Variants in MICAL3 observed in about 807,000 individuals in gnomAD.
MICAL3 encodes microtubule associated monooxygenase, calponin and LIM domain containing 3.
In MICAL3, 62 loss-of-function variants were observed where a neutral mutation model predicts 207.4. The observed-to-expected ratio is 0.30, with a 90% CI of 0.24 to 0.37. The LOEUF is 0.37. Among genes scored for constraint, MICAL3 ranks in the 10% least tolerant of loss-of-function variants. MICAL3 has a pLI of 1.00. For missense variants in MICAL3, 2,368 were observed against 2,635.6 expected (o/e 0.90, Z 2.22); for synonymous variants, 1,077 against 1,069.3 (o/e 1.01, Z -0.14).
At chr22:18,003,368 C>A (rs1923170483) in intron 1 of MICAL3, among the ~76,000 whole-genome samples, 1 of 152,100 alleles carries the variant, frequency 6.6e-6, no homozygotes, top group South Asian at 2.1e-4. Context: ...GCACCCCTTT[C>A]TCTTCCTTCT....
chr22:18,011,833 A>C (rs1446131598), intron 1 of MICAL3, among the ~76,000 whole-genome samples: 3 of 151,300 alleles, frequency 2.0e-5, no homozygotes. Context: ...TGGAGCTTGC[A>C]GTGAGCCGAG....
chr22:17,850,437 G>A (rs1925200140), intron 19 of MICAL3, among the ~76,000 whole-genome samples: 2 of 108,504 alleles, frequency 1.8e-5, no homozygotes, highest in Non-Finnish European at 3.6e-5. Context: ...TTGAGATGGA[G>A]TCTCACTCTG....
At chr22:17,820,882 A>AAACATAAATTTTAATAAATTTATG (rs1921524317) in intron 25 of MICAL3, among the ~76,000 whole-genome samples, 1 of 112,256 alleles carries the variant, frequency 8.9e-6, no homozygotes, top group Non-Finnish European at 2.1e-5. Context: ...ATAAATTTAT[A>AAACATAAATTTTAATAAATTTATG]TTTATAAACA....
intron 1 of MICAL3, among the ~76,000 whole-genome samples, chr22:17,948,477 C>T (rs1243514654): frequency 1.3e-5 from 2 of 152,214 alleles, no homozygotes; most frequent in Non-Finnish European, 2.9e-5. Flanking sequence ...CCAGTCCTCA[C>T]ATACCAGCTG....
intron 17 of MICAL3, among the ~76,000 whole-genome samples, chr22:17,869,901 C>T (rs931323723): frequency 2.0e-5 from 3 of 152,168 alleles, no homozygotes; most frequent in Admixed American, 6.5e-5. Context: ...CACAAGGCCT[C>T]GGTTACTTCC....
chr22:17,790,859 A>G lies in MICAL3; in HGVS notation c.5882T>C (p.Leu1961Pro). 1 of 1,613,842 alleles carries G rather than the reference A, an allele frequency of 6.2e-7. No individual in the cohort carries two copies. The highest frequency in any genetic ancestry group is 8.5e-7 in the Non-Finnish European group (1 of 1,179,898). The change falls in exon 32 of 32, where the codon CTG becomes CCG. Residue 1961 changes from leucine (L) to proline (P), a missense_variant. This residue lies in a region of MICAL3 where 1,770 missense variants were observed against 1,863.2 expected (regional missense o/e 0.95). Transcript: ENST00000441493. Reference protein sequence around the residue: ...SEEKQILNEMLEVVEQRDSLV... With the variant: ...SEEKQILNEMPEVVEQRDSLV... ...TGAGTCTCTCTGCTCCACCACCTCC[A>G]GCATCTCATTGAGAATCTGCTTCTC...
intron 1 of MICAL3, among the ~76,000 whole-genome samples, chr22:18,016,328 T>C (rs979987869): frequency 1.3e-5 from 2 of 152,248 alleles, no homozygotes; most frequent in Non-Finnish European, 2.9e-5. Context: ...TTTCTTTTTA[T>C]GAACTGTGAA....
intron 1 of MICAL3, among the ~76,000 whole-genome samples, chr22:18,008,795 T>C (rs1426606852): frequency 6.6e-6 from 1 of 151,932 alleles, no homozygotes. Flanking sequence ...AAATTAAGAT[T>C]GGGTGTGGTG....
chr22:17,963,546 G>T (rs368873350), intron 1 of MICAL3, among the ~76,000 whole-genome samples: 1 of 152,012 alleles, frequency 6.6e-6, no homozygotes, highest in Non-Finnish European at 1.5e-5. Context: ...ACGGCCAAGC[G>T]CCATCCTGCC....
rs551475832 is a variant in MICAL3 at position 17,820,583 on chromosome 22, T to C, written c.3531+844A>G. Among the ~76,000 whole-genome samples, 16 of 152,310 alleles carry C rather than the reference T, an allele frequency of 1.1e-4. No homozygotes were observed. In the East Asian group the frequency reaches 3.1e-3, roughly 29 times the overall value. ...GTTAACCAGGATGGTCTCGATCTCC[T>C]GACCTCGTGATCTGCCTGCCTTGGC... On this transcript the variant is annotated intron_variant, in intron 25 of 31. Coordinates refer to ENST00000441493, the MANE Select transcript of MICAL3 (RefSeq NM_015241.3).
intron 16 of MICAL3, chr22:17,881,322 C>A: frequency 6.3e-7 from 1 of 1,581,462 alleles, no homozygotes; most frequent in Non-Finnish European, 8.6e-7. Context: ...CCAACAGACA[C>A]AAACAGAGAG....
At chr22:17,847,544 C>T (rs536846837) in intron 19 of MICAL3, among the ~76,000 whole-genome samples, 1 of 152,242 alleles carries the variant, frequency 6.6e-6, no homozygotes, top group African/African-American at 2.4e-5. Flanking sequence ...TGGGGCAGCC[C>T]ACATTCTGAT....
chr22:17,899,005 C>T (rs943722313), intron 7 of MICAL3, among the ~76,000 whole-genome samples: 1 of 152,214 alleles, frequency 6.6e-6, no homozygotes, highest in East Asian at 1.9e-4. Context: ...GTTGCTCCCC[C>T]TCCCAAAAGA....
intron 1 of MICAL3, among the ~76,000 whole-genome samples, chr22:17,941,156 C>T (rs896779763): frequency 3.9e-5 from 6 of 152,224 alleles, no homozygotes; most frequent in Non-Finnish European, 7.3e-5. Flanking sequence ...CTGCTCTCTT[C>T]GTCTCATAAC....
intron 13 of MICAL3, 58 bp from the exon 14 acceptor site, chr22:17,887,493 G>A (rs1297656151): frequency 1.9e-5 from 21 of 1,118,236 alleles, no homozygotes; most frequent in Non-Finnish European, 2.8e-5. Flanking sequence ...GCAAAATCCT[G>A]ACCAAAACTA....
intron 16 of MICAL3, among the ~76,000 whole-genome samples, chr22:17,874,357 C>G (rs1445728531): frequency 1.3e-5 from 2 of 152,134 alleles, no homozygotes; most frequent in Non-Finnish European, 2.9e-5. Flanking sequence ...ACAGCTGACA[C>G]TGAGGGAGCA....
At chr22:17,985,465 C>T (rs571565835) in intron 1 of MICAL3, among the ~76,000 whole-genome samples, 3 of 152,114 alleles carry the variant, frequency 2.0e-5, no homozygotes, top group South Asian at 2.1e-4. Context: ...CTACAAGGTC[C>T]GGGAGGATGA....
chr22:17,856,094 G>T (rs1925855971), intron 19 of MICAL3, among the ~76,000 whole-genome samples: 1 of 152,250 alleles, frequency 6.6e-6, no homozygotes, highest in Admixed American at 6.5e-5. Context: ...CAGGGCCTGT[G>T]CACAGTGCGT....
At chr22:17,852,113 CG>C (rs758844868) in intron 19 of MICAL3, among the ~76,000 whole-genome samples, 1 of 152,192 alleles carries the variant, frequency 6.6e-6, no homozygotes, top group Non-Finnish European at 1.5e-5. Flanking sequence ...CAGGCAGGCT[CG>C]GTCTACATCG....
Sources: gnomAD v4.1 joint callset for allele counts (sites outside exome capture counted in the v4.1 genomes callset) on GRCh38, gnomAD v4.1.1 for gene constraint, gnomAD v4.1.1 regional missense constraint, MANE v1.5 for transcripts, NCBI Gene and HGNC (gene_info 2026-07-23, HGNC 2026-07-21) for gene names.